Variants in PSD2 observed in about 807,000 individuals in gnomAD.
PSD2 encodes the protein pleckstrin and Sec7 domain containing 2.
A neutral mutation model predicts 69.8 loss-of-function variants in PSD2; 38 were observed. The observed-to-expected ratio is 0.54, with a 90% CI of 0.42 to 0.71. The LOEUF (loss-of-function observed/expected upper bound fraction) is 0.71. Ranked by LOEUF, PSD2 falls within the 30% of genes least tolerant of loss-of-function variation. The probability of loss-of-function intolerance (pLI) is 0.00; values close to 1 mark genes in which losing one functional copy is unlikely to be tolerated. For missense variants in PSD2, 943 were observed against 1,014.5 expected (o/e 0.93, Z 0.96); for synonymous variants, 412 against 423.0 (o/e 0.97, Z 0.32).
the PSD2 span, among the ~76,000 whole-genome samples, chr5:139,751,790 CTTTTTTTTTT>C: frequency 1.7e-5 from 2 of 120,416 alleles, no homozygotes. Context: ...AGGGTCCAGC[CTTTTTTTTTT>C]TTTTTTTTTT....
chr5:139,821,734 G>A (rs149723724), intron 5 of PSD2, among the ~76,000 whole-genome samples, 159 bp from the exon 6 acceptor site: 1 of 152,298 alleles, frequency 6.6e-6, no homozygotes, highest in Non-Finnish European at 1.5e-5. Context: ...GCCATCCTGG[G>A]GGCCAGGGCC....
chr5:139,835,839 G>A, intron 9 of PSD2, 73 bp downstream of exon 9: 1 of 1,414,926 alleles, frequency 7.1e-7, no homozygotes, highest in Non-Finnish European at 1.0e-6. Flanking sequence ...GTGCAGGTCC[G>A]ACATTCTGAC....
chr5:139,781,338 C>CT, the PSD2 span, among the ~76,000 whole-genome samples: 1,106 of 145,792 alleles, frequency 7.6e-3, 4 homozygotes, highest in Non-Finnish European at 9.9e-3. Flanking sequence ...ATATCTCTCT[C>CT]TTTTTTTTTT....
Position 139,840,189 on chromosome 5 carries a change from G to T in PSD2, c.2112+19G>T. The T allele has an allele frequency of 2.5e-6, 4 of 1,613,138 alleles. No individual in the cohort carries two copies. The highest frequency in any genetic ancestry group is 3.4e-6 in the Non-Finnish European group (4 of 1,179,698). On this transcript the variant is annotated intron_variant, in intron 14 of 14. Transcript: ENST00000274710. ...CTTCGAGGTGAGCCTTGGGGGACTGGATTGCAAAGCCCAGTGCCCTGCTCT... is the reference window on the plus strand; with the variant it reads ...CTTCGAGGTGAGCCTTGGGGGACTGTATTGCAAAGCCCAGTGCCCTGCTCT...
At chr5:139,818,416 C>T (rs889018) in intron 5 of PSD2, among the ~76,000 whole-genome samples, 41,120 of 151,726 alleles carry the variant, frequency 0.27, 6,089 homozygotes, top group African/African-American at 0.4. Flanking sequence ...TATGGTGGTG[C>T]AGGCCTGTAG....
intron 7 of PSD2, among the ~76,000 whole-genome samples, chr5:139,830,731 A>C (rs1760578343): frequency 7.8e-6 from 1 of 127,414 alleles, no homozygotes; most frequent in Non-Finnish European, 1.6e-5. Flanking sequence ...TGTTGCCCAG[A>C]CTGGCCTCAA....
At chr5:139,742,744 TTGTG>T in the PSD2 span, among the ~76,000 whole-genome samples, 3 of 152,058 alleles carry the variant, frequency 2.0e-5, no homozygotes, top group African/African-American at 7.2e-5. Flanking sequence ...GTGTGCCACA[TTGTG>T]TGTGAATGAG....
chr5:139,827,247 A>G (rs1159905132), intron 7 of PSD2, among the ~76,000 whole-genome samples: 1 of 152,198 alleles, frequency 6.6e-6, no homozygotes, highest in African/African-American at 2.4e-5. Context: ...GCTTAAGGGA[A>G]AGGAAAAGCC....
intron 1 of PSD2, among the ~76,000 whole-genome samples, chr5:139,796,313 C>G (rs935887763): frequency 6.6e-6 from 1 of 152,198 alleles, no homozygotes; most frequent in African/African-American, 2.4e-5. Flanking sequence ...ACCCACTACC[C>G]TCTCCCCGCT....
chr5:139,830,285 A>G (rs1467363829), intron 7 of PSD2, among the ~76,000 whole-genome samples: 1 of 150,194 alleles, frequency 6.7e-6, no homozygotes, highest in Non-Finnish European at 1.5e-5. Context: ...CTTAGTAGAT[A>G]CTTGATTTAC....
chr5:139,792,126 C>T (rs144506142), upstream of PSD2, among the ~76,000 whole-genome samples: 1 of 139,564 alleles, frequency 7.2e-6, no homozygotes, highest in East Asian at 2.1e-4. Flanking sequence ...GGAGAGGGGA[C>T]ATAGAATAGG....
At chr5:139,822,033 C>G in intron 6 of PSD2, 28 bp downstream of exon 6, 1 of 1,442,196 alleles carries the variant, frequency 6.9e-7, no homozygotes, top group Non-Finnish European at 9.6e-7. Context: ...CTCTGCCTGA[C>G]CCTCCCCACC....
chr5:139,743,715 C>G, the PSD2 span: 1 of 152,428 alleles, frequency 6.6e-6, no homozygotes, highest in African/African-American at 2.4e-5. Context: ...TGCACAGTTT[C>G]ATCCTTCCTC....
At chr5:139,742,951 G>A in the PSD2 span, among the ~76,000 whole-genome samples, 4 of 152,238 alleles carry the variant, frequency 2.6e-5, no homozygotes, top group Admixed American at 1.3e-4. Context: ...CAGAGAAGCA[G>A]CAGTTTAGGA....
At chr5:139,778,784 C>A in the PSD2 span, among the ~76,000 whole-genome samples, 1 of 151,558 alleles carries the variant, frequency 6.6e-6, no homozygotes, top group Non-Finnish European at 1.5e-5. Flanking sequence ...AAAAAATTAG[C>A]TGGGTGTGGT....
intron 7 of PSD2, among the ~76,000 whole-genome samples, chr5:139,826,614 G>T (rs995617391): frequency 3.9e-5 from 6 of 152,218 alleles, no homozygotes; most frequent in Admixed American, 3.9e-4. Flanking sequence ...TGAGAGTGAA[G>T]ATGGGAAGGG....
At chr5:139,747,287 C>T in the PSD2 span, among the ~76,000 whole-genome samples, 32 of 152,164 alleles carry the variant, frequency 2.1e-4, no homozygotes, top group Non-Finnish European at 3.5e-4. The surrounding 1 kb of genome is among the most constrained non-coding windows in gnomAD (Gnocchi z 6.7). Flanking sequence ...CACCTCACAG[C>T]CCTGTTTACG....
In PSD2 at chr5:139,839,997, G is replaced by A; in HGVS notation, c.1969-30G>A. On this transcript the variant is annotated intron_variant, in intron 13 of 14. Transcript: ENST00000274710. This position sits in a 1 kb window ranked among gnomAD's most constrained non-coding sequence, Gnocchi z 5.1. ...CCACTCCGTGACATCCTGAGAGTAAGGCCTCACAGTCCAGGATTTGTCTTT... is the reference window on the plus strand; with the variant it reads ...CCACTCCGTGACATCCTGAGAGTAAAGCCTCACAGTCCAGGATTTGTCTTT... 6.2e-7 allele frequency: 1 copy of A among 1,613,264 alleles called. No homozygotes were observed. Among genetic ancestry groups the A allele is most frequent in the Non-Finnish European group, 8.5e-7 (1 of 1,179,374 alleles).
chr5:139,744,499 G>A, the PSD2 span, among the ~76,000 whole-genome samples: 8 of 152,250 alleles, frequency 5.3e-5, no homozygotes, highest in South Asian at 2.1e-4. Flanking sequence ...CCGCCTGCTC[G>A]CCTGTAGAGC....
Sources: gnomAD v4.1 joint callset for allele counts (sites outside exome capture counted in the v4.1 genomes callset) on GRCh38, gnomAD v4.1.1 for gene constraint, Gnocchi (gnomAD v3.1) non-coding constraint, MANE v1.5 for transcripts, NCBI Gene and HGNC (gene_info 2026-07-23, HGNC 2026-07-21) for gene names.